The following PXDN variants were observed in gnomAD, a reference collection of about 807,000 sequenced individuals.
PXDN encodes peroxidasin homolog.
Under a neutral mutation model 140.3 loss-of-function variants are expected in PXDN, and 77 were observed. The ratio of observed to expected loss-of-function variants is 0.55; its 90% CI spans 0.46 to 0.66. PXDN has a LOEUF of 0.66. Ranked by LOEUF, PXDN falls within the 30% of genes least tolerant of loss-of-function variation. The pLI, the probability that PXDN is intolerant of heterozygous loss-of-function variation, is 0.00. For missense variants in PXDN, 1,838 were observed against 2,039.5 expected (o/e 0.90, Z 1.90); for synonymous variants, 911 against 857.4 (o/e 1.06, Z -1.09).
chr2:1,681,959 C>T (rs377477229), intron 6 of PXDN, among the ~76,000 whole-genome samples: 4 of 152,324 alleles, frequency 2.6e-5, no homozygotes, highest in African/African-American at 9.6e-5. Context: ...TGGCCTCCTC[C>T]GCCTGGGGCC....
At chr2:1,695,429 G>A (rs1429772874) in intron 1 of PXDN, among the ~76,000 whole-genome samples, 1 of 127,140 alleles carries the variant, frequency 7.9e-6, no homozygotes, top group East Asian at 2.4e-4. Context: ...AGGCCCCTGT[G>A]CCCTGCTGGA....
chr2:1,731,152 G>GCACACACA (rs72079011), intron 1 of PXDN, among the ~76,000 whole-genome samples: 35 of 136,060 alleles, frequency 2.6e-4, no homozygotes, highest in African/African-American at 9.6e-4. Flanking sequence ...GAGCGCGCGC[G>GCACACACA]CACACACACA....
chr2:1,632,826 C>G lies in PXDN; in HGVS notation c.*1378G>C, dbSNP rs371368039. 126 of 152,618 alleles carry G rather than the reference C, an allele frequency of 8.3e-4. No homozygotes were observed. The highest frequency in any genetic ancestry group is 2.9e-3 in the African/African-American group (119 of 41,582). 9.5% of individuals were successfully genotyped at this position (152,618 alleles called of 1,614,324 possible). ...TGACCTCAGGGGCTCCCTCCACCAC[C>G]TCAGCTGGGCCTTGCTGCGGGCAGG... On this transcript the variant is annotated 3_prime_UTR_variant, in exon 23 of 23. Transcript: ENST00000252804. This position sits in a 1 kb window ranked among gnomAD's most constrained non-coding sequence, Gnocchi z 4.3.
chr2:1,649,078 T>C lies in PXDN; in HGVS notation c.2702A>G (p.Glu901Gly), dbSNP rs1237004686. The C allele has an allele frequency of 6.2e-7, 1 of 1,612,514 alleles. No individual in the cohort carries two copies. Among genetic ancestry groups the C allele is most frequent in the Non-Finnish European group, 8.5e-7 (1 of 1,179,728 alleles). ...SLLMNSVYPR[E>G]QINQLTSYID... Reference sequence around the variant, plus strand: ...GTAGGAGGTGAGCTGGTTGATCTGCTCCCGCGGGTACACGGAGTTCATGAG... The same window carrying C: ...GTAGGAGGTGAGCTGGTTGATCTGCCCCCGCGGGTACACGGAGTTCATGAG... The change falls in exon 17 of 23, where the codon GAG (glutamate) becomes GGG (glycine). Residue 901 changes from glutamate to glycine, a missense_variant. Glu to Gly is a moderately conservative substitution (Grantham distance 98). This residue lies in a region of PXDN where 850 missense variants were observed against 894.1 expected (regional missense o/e 0.95). Transcript: ENST00000252804. This position sits in a 1 kb window ranked among gnomAD's most constrained non-coding sequence, Gnocchi z 7.1.
intron 1 of PXDN, among the ~76,000 whole-genome samples, chr2:1,739,874 T>C (rs1157149378): frequency 6.6e-6 from 1 of 152,252 alleles, no homozygotes; most frequent in Non-Finnish European, 1.5e-5. Context: ...ACTTTTCAAA[T>C]GTATTTGCGT....
intron 1 of PXDN, among the ~76,000 whole-genome samples, chr2:1,724,964 G>C (rs1685143430): frequency 1.3e-5 from 2 of 151,944 alleles, no homozygotes; most frequent in Non-Finnish European, 2.9e-5. Context: ...TGTGTAGATA[G>C]TTAAACAATA....
intron 1 of PXDN, among the ~76,000 whole-genome samples, chr2:1,733,772 T>C (rs1685366465): frequency 1.1e-5 from 1 of 94,664 alleles, no homozygotes; most frequent in African/African-American, 3.8e-5. Flanking sequence ...AAAAAAGCAG[T>C]GTCAGAGAAA....
chr2:1,661,630 A>T (rs13006063), intron 13 of PXDN, among the ~76,000 whole-genome samples: 2 of 152,152 alleles, frequency 1.3e-5, no homozygotes, highest in South Asian at 2.1e-4. Flanking sequence ...GGGAATTCAC[A>T]GAAACACGGG....
intron 6 of PXDN, among the ~76,000 whole-genome samples, chr2:1,681,969 C>G (rs75921703): frequency 0.016 from 2,486 of 152,270 alleles, 68 homozygotes; most frequent in African/African-American, 0.057. Context: ...CGCCTGGGGC[C>G]CCTCAGGGAT....
intron 1 of PXDN, among the ~76,000 whole-genome samples, chr2:1,709,452 G>A (rs999824199): frequency 4.2e-5 from 6 of 143,074 alleles, no homozygotes; most frequent in African/African-American, 1.1e-4. Context: ...AAGCCACAGC[G>A]GGGCTGGGGT....
Position 1,633,984 on chromosome 2 carries a change from T to A in PXDN, c.*220A>T. 2.0e-6 allele frequency: 1 copy of A among 509,724 alleles called. No homozygotes were observed. The highest frequency in any genetic ancestry group is 3.3e-6 in the Non-Finnish European group (1 of 300,740). 31.6% of individuals were successfully genotyped at this position (509,724 alleles called of 1,614,324 possible). ...GAGAAGTCTAACGTGAAGCTAGGACTCCTGCCTGCTTCCCTTCAGGCACCT... is the reference window on the plus strand; with the variant it reads ...GAGAAGTCTAACGTGAAGCTAGGACACCTGCCTGCTTCCCTTCAGGCACCT... On this transcript the variant is annotated 3_prime_UTR_variant, in exon 23 of 23. Coordinates refer to ENST00000252804, the MANE Select transcript of PXDN (RefSeq NM_012293.3).
At chr2:1,635,756 T>C in intron 21 of PXDN, 1 of 515,240 alleles carries the variant, frequency 1.9e-6, no homozygotes, top group African/African-American at 1.9e-5. Flanking sequence ...AAAACCGTAG[T>C]CACAAAGGCG....
intron 21 of PXDN, among the ~76,000 whole-genome samples, chr2:1,638,542 T>C (rs1162319493): frequency 6.6e-6 from 1 of 152,122 alleles, no homozygotes; most frequent in Non-Finnish European, 1.5e-5. Context: ...GTCTGAACTC[T>C]CCTACAGCAT....
At chr2:1,650,081 C>G (rs764881294) in intron 16 of PXDN, among the ~76,000 whole-genome samples, 62 of 152,312 alleles carry the variant, frequency 4.1e-4, no homozygotes, top group Admixed American at 7.8e-4. Context: ...CACCTCCACA[C>G]GAGTGCACAC....
chr2:1,714,876 C>A lies in PXDN; in HGVS notation c.201-21742G>T, dbSNP rs963032249. Among the ~76,000 whole-genome samples, 2 of 152,162 alleles carry A rather than the reference C, an allele frequency of 1.3e-5. No homozygotes were observed. Among genetic ancestry groups the A allele is most frequent in the African/African-American group, 4.8e-5 (2 of 41,460 alleles). ...GGGGTCCCTCTCCAGGCTCTGGGAG[C>A]CTGGCCTGGCGCCCTGTCTTGCTCA... is the stretch of plus-strand genomic sequence containing the variant. On this transcript the variant is annotated intron_variant, in intron 1 of 22. Transcript: ENST00000252804. This position sits in a 1 kb window ranked among gnomAD's most constrained non-coding sequence, Gnocchi z 4.3.
At chr2:1,662,002 G>C (rs1683315863) in intron 13 of PXDN, 70 bp downstream of exon 13, 1 of 1,359,674 alleles carries the variant, frequency 7.4e-7, no homozygotes, top group Non-Finnish European at 1.0e-6. Flanking sequence ...TCCAGGTAGT[G>C]GGTGGTGTGG....
At chr2:1,676,777 A>G in intron 8 of PXDN, 150 bp downstream of exon 8, 1 of 807,554 alleles carries the variant, frequency 1.2e-6, no homozygotes, top group Non-Finnish European at 2.0e-6. Flanking sequence ...AAGACCGGAA[A>G]AGGAGCAGAA....
At chr2:1,715,026 A>C (rs1047249804) in intron 1 of PXDN, among the ~76,000 whole-genome samples, 2 of 151,960 alleles carry the variant, frequency 1.3e-5, no homozygotes, top group Non-Finnish European at 2.9e-5. Flanking sequence ...ACAAATAAAC[A>C]ATACAAATCT....
At chr2:1,642,715 T>G (rs1452395781) in intron 19 of PXDN, among the ~76,000 whole-genome samples, 1 of 152,224 alleles carries the variant, frequency 6.6e-6, no homozygotes, top group African/African-American at 2.4e-5. Flanking sequence ...GAGTTAGGAA[T>G]GCGAAGCAGG....
Sources: gnomAD v4.1 joint callset for allele counts (sites outside exome capture counted in the v4.1 genomes callset) on GRCh38, gnomAD v4.1.1 for gene constraint, gnomAD v4.1.1 regional missense constraint, Gnocchi (gnomAD v3.1) non-coding constraint, MANE v1.5 for transcripts, NCBI Gene and HGNC (gene_info 2026-07-23, HGNC 2026-07-21) for gene names.